The following LCT variants were observed in gnomAD, a reference collection of about 807,000 sequenced individuals.
The protein encoded by LCT is lactase/phlorizin hydrolase.
In LCT, 90 loss-of-function variants were observed where a neutral mutation model predicts 173.0. That is an observed-to-expected ratio of 0.52 (90% CI 0.44 to 0.62). The LOEUF is 0.62. Ranked by LOEUF, LCT falls within the 20% of genes least tolerant of loss-of-function variation. LCT has a pLI of 0.00. For synonymous variants in LCT, 853 were observed against 957.6 expected (o/e 0.89, Z 2.02); for missense variants, 1,864 against 2,431.4 (o/e 0.77, Z 4.91).
chr2:135,794,851 G>T, intron 13 of LCT, 76 bp from the exon 14 acceptor site: 1 of 1,566,698 alleles, frequency 6.4e-7, no homozygotes, highest in Non-Finnish European at 8.8e-7. Flanking sequence ...TAGGGCTGGG[G>T]CGGGGGAGCT....
intron 14 of LCT, 105 bp downstream of exon 14, chr2:135,794,536 G>A (rs1002750933): frequency 2.4e-5 from 29 of 1,227,410 alleles, no homozygotes; most frequent in South Asian, 1.6e-4. Context: ...CACATTCGGC[G>A]TTGGAGGCCC....
intron 1 of LCT, among the ~76,000 whole-genome samples, chr2:135,835,970 A>AAGTGTGTG (rs145381504): frequency 6.5e-5 from 8 of 123,296 alleles, no homozygotes; most frequent in African/African-American, 1.4e-4. Flanking sequence ...TCAAAAATAC[A>AAGTGTGTG]TGTGTGTATA....
chr2:135,791,687 G>A (rs1475926210), intron 14 of LCT, among the ~76,000 whole-genome samples: 1 of 152,210 alleles, frequency 6.6e-6, no homozygotes, highest in Non-Finnish European at 1.5e-5. Flanking sequence ...AAGAGGGAGG[G>A]AGAATCAGAA....
intron 10 of LCT, 26 bp downstream of exon 10, chr2:135,804,741 C>T (rs532567396): frequency 1.2e-6 from 2 of 1,610,894 alleles, no homozygotes; most frequent in African/African-American, 1.3e-5. Context: ...TGGACTTTCC[C>T]AAGGCCTTGC....
chr2:135,809,373 TA>T lies in LCT; in HGVS notation c.2973del (p.Ile992SerfsTer12), dbSNP rs2077712637. 8 of 1,614,232 alleles carry T rather than the reference TA, an allele frequency of 5.0e-6. No individual in the cohort carries two copies. Among genetic ancestry groups the T allele is most frequent in the Non-Finnish European group, 6.8e-6 (8 of 1,180,034 alleles). On this transcript the variant is annotated frameshift_variant, in exon 8 of 17. Transcript: ENST00000264162. LOFTEE classifies it high-confidence loss of function. This position sits in a 1 kb window ranked among gnomAD's most constrained non-coding sequence, Gnocchi z 5.5. The part of the protein sequence containing the change: ...SRIFPTGRNS[S>X]INSHGVDYYN... The stretch of plus-strand genomic sequence containing the variant: ...TAATAATCAACCCCATGACTGTTGA[TA>T]GAGCTGTTTCTCCCAGTTGGGAAAA...
At chr2:135,826,402 CAAAAA>C (rs373224567) in intron 3 of LCT, among the ~76,000 whole-genome samples, 1 of 103,712 alleles carries the variant, frequency 9.6e-6, no homozygotes. Context: ...GCTACAAATA[CAAAAA>C]AAAAAAAAAA....
Position 135,836,876 on chromosome 2 carries a change from T to A in LCT, c.294A>T (p.Pro98=). The A allele has an allele frequency of 1.9e-6, 3 of 1,614,136 alleles. No individual in the cohort carries two copies. The highest frequency in any genetic ancestry group is 1.3e-5 in the African/African-American group (1 of 75,022). ...KVFLSWAQLL[P]AGSTQNPDEK... ...CGTCTGGATTCTGGGTGCTTCCTGC[T>A]GGGAGGAGCTGTGCCCATGACAGAA... The change falls in exon 1 of 17, where the codon CCA becomes CCT. Residue 98 remains proline (P), a synonymous_variant. Coordinates refer to ENST00000264162, the MANE Select transcript of LCT (RefSeq NM_002299.4).
rs1324490615 is a variant in LCT, at chr2:135,812,325, T to C, written c.2339A>G (p.Asn780Ser). The C allele has an allele frequency of 3.5e-5, 56 of 1,613,408 alleles. No individual in the cohort carries two copies. The highest frequency in any genetic ancestry group is 4.3e-5 in the Non-Finnish European group (51 of 1,179,392). Residue 780 changes from asparagine to serine, a missense_variant, in exon 7 of 17, where the codon AAT becomes AGT. By Grantham distance (46) the Asn-to-Ser change is conservative (BLOSUM62 1). This residue lies in a region of LCT where 755 missense variants were observed against 926.3 expected (regional missense o/e 0.82). Transcript: ENST00000264162. ...ATTGTTCTTACCCTTGAGCACCTCATTGATATATTGATTGAAGTAGTCTAC... is the reference window on the plus strand; with the variant it reads ...ATTGTTCTTACCCTTGAGCACCTCACTGATATATTGATTGAAGTAGTCTAC... The part of the protein sequence containing the change: ...LRVDYFNQYI[N>S]EVLKAIKEDS...
intron 11 of LCT, among the ~76,000 whole-genome samples, chr2:135,802,556 C>T (rs77681363): frequency 0.012 from 1,780 of 152,194 alleles, 13 homozygotes; most frequent in Non-Finnish European, 0.014. Flanking sequence ...TCTTGTCATT[C>T]GTGACAACAT....
intron 3 of LCT, 25 bp downstream of exon 3, chr2:135,829,568 T>A: frequency 6.4e-7 from 1 of 1,556,910 alleles, no homozygotes. Flanking sequence ...CATTCATCAT[T>A]AATGTGGAAA....
At chr2:135,825,649 G>T (rs1202301348) in intron 3 of LCT, among the ~76,000 whole-genome samples, 1 of 152,102 alleles carries the variant, frequency 6.6e-6, no homozygotes, top group East Asian at 1.9e-4. Context: ...GGAGTGTGCC[G>T]CAGCTCTTCA....
chr2:135,831,034 G>A (rs575428922), intron 2 of LCT, among the ~76,000 whole-genome samples: 84 of 152,302 alleles, frequency 5.5e-4, no homozygotes, highest in South Asian at 1.9e-3. Context: ...TGGGGACTTC[G>A]GATGCCTGTG....
Position 135,828,413 on chromosome 2 carries a change from G to A in LCT, c.804+1180C>T, listed in dbSNP as rs541964415. ...ATTCAAAACCACAGGTGAGTGTAGG[G>A]GGCTGCTCTGCCTCCCTCATGGGAG... is the stretch of plus-strand genomic sequence containing the variant. On this transcript the variant is annotated intron_variant, in intron 3 of 16. Transcript: ENST00000264162. Among the ~76,000 whole-genome samples the A allele has an allele frequency of 9.2e-5, 14 of 152,274 alleles. No homozygotes were observed. In the South Asian group the frequency reaches 2.7e-3, roughly 29 times the overall value.
rs764109248 is a variant in LCT at position 135,812,295 on chromosome 2, C to T, written c.2353+16G>A. ...ACCACCCACCTTCCAATCACTGGCA[C>T]ATCCATTGTTCTTACCCTTGAGCAC... is the stretch of plus-strand genomic sequence containing the variant. On this transcript the variant is annotated intron_variant, in intron 7 of 16. Coordinates refer to ENST00000264162, the MANE Select transcript of LCT (RefSeq NM_002299.4). The T allele has an allele frequency of 2.5e-6, 4 of 1,605,324 alleles. No homozygotes were observed. Among genetic ancestry groups the T allele is most frequent in the Non-Finnish European group, 3.4e-6 (4 of 1,171,986 alleles).
intron 6 of LCT, among the ~76,000 whole-genome samples, chr2:135,817,034 A>G (rs1452539455): frequency 6.8e-6 from 1 of 146,160 alleles, no homozygotes; most frequent in African/African-American, 2.6e-5. Flanking sequence ...ATGCCCAGCT[A>G]ATTTTTGTAT....
Position 135,803,996 on chromosome 2 carries a change from A to G in LCT, c.4597T>C (p.Trp1533Arg). The G allele has an allele frequency of 6.2e-7, 1 of 1,614,150 alleles. No individual in the cohort carries two copies. The highest frequency in any genetic ancestry group is 8.5e-7 in the Non-Finnish European group (1 of 1,179,976). ...ACAAAGGGCTCATTCAGCGTGATCC[A>G]AAACTTCACCTTGTCTCCCAGCCTC... is the stretch of plus-strand genomic sequence containing the variant. ...FQRLGDKVKF[W>R]ITLNEPFVIA... is the part of the protein sequence containing the mutation. The change falls in exon 11 of 17, where the codon TGG (tryptophan) becomes CGG (arginine). Residue 1533 changes from tryptophan to arginine, a missense_variant. Trp to Arg is a moderately radical substitution (Grantham distance 101, BLOSUM62 -3). Around this residue, in one of 4 missense-constraint regions of LCT, gnomAD observed 514 missense variants for 750.1 expected, o/e 0.69. Transcript: ENST00000264162.
intron 11 of LCT, among the ~76,000 whole-genome samples, chr2:135,802,168 C>T (rs192135308): frequency 6.6e-6 from 1 of 152,254 alleles, no homozygotes; most frequent in Admixed American, 6.5e-5. Flanking sequence ...CCTCTGATAA[C>T]GATTTGAGGC....
At chr2:135,802,345 C>T (rs528255958) in intron 11 of LCT, among the ~76,000 whole-genome samples, 3 of 152,272 alleles carry the variant, frequency 2.0e-5, no homozygotes, top group Admixed American at 6.5e-5. Flanking sequence ...TAAGGGATCC[C>T]GCAATCTTAC....
intron 7 of LCT, 35 bp downstream of exon 7, chr2:135,812,276 C>T (rs773286720): frequency 1.3e-6 from 2 of 1,573,320 alleles, no homozygotes; most frequent in East Asian, 2.2e-5. Flanking sequence ...AAGTACCACC[C>T]ACCTTCCAAT....
Sources: gnomAD v4.1 joint callset for allele counts (sites outside exome capture counted in the v4.1 genomes callset) on GRCh38, gnomAD v4.1.1 for gene constraint, gnomAD v4.1.1 regional missense constraint, Gnocchi (gnomAD v3.1) non-coding constraint, MANE v1.5 for transcripts, NCBI Gene and HGNC (gene_info 2026-07-23, HGNC 2026-07-21) for gene names.